Variants in RCOR1 observed in about 807,000 individuals in gnomAD.
The protein encoded by RCOR1 is REST corepressor 1, also known as REST corepressor.
RCOR1 carries 12 observed loss-of-function variants against 64.0 expected under a neutral mutation model. The observed-to-expected ratio is 0.19, with a 90% CI of 0.12 to 0.30. The LOEUF is 0.30. Ranked by LOEUF, RCOR1 falls within the 10% of genes least tolerant of loss-of-function variation. The pLI is 1.00. For missense variants in RCOR1, 502 were observed against 621.2 expected, an observed-to-expected ratio of 0.81 and a Z score of 2.04; for synonymous variants, 279 against 227.2, an observed-to-expected ratio of 1.23 and a Z score of -2.05.
rs1474842628 is a variant in RCOR1 at position 102,726,716 on chromosome 14, A to G, written c.*210A>G. ...GCCACTTCCCAGAGAGCTCCACTGCATCTCACACTCTGCCCACGTGCTGGG... is the reference window on the plus strand; with the variant it reads ...GCCACTTCCCAGAGAGCTCCACTGCGTCTCACACTCTGCCCACGTGCTGGG... On this transcript the variant is annotated 3_prime_UTR_variant, in exon 12 of 12. Coordinates refer to ENST00000262241, the MANE Select transcript of RCOR1 (RefSeq NM_015156.4). 3.6e-6 allele frequency: 2 copies of G among 555,284 alleles called. No individual in the cohort carries two copies. Among genetic ancestry groups the G allele is most frequent in the African/African-American group, 2.0e-5 (1 of 50,724 alleles). 34.4% of individuals were successfully genotyped at this position (555,284 alleles called of 1,614,324 possible).
rs67404203 is a variant in RCOR1, at chr14:102,655,110, CTTTTT to C, written c.362-26764_362-26760del. On this transcript the variant is annotated intron_variant, in intron 2 of 11. Coordinates refer to ENST00000262241, the MANE Select transcript of RCOR1 (RefSeq NM_015156.4). ...TCTGGCATTCACCACCGCGGACAAC[CTTTTT>C]TTTTTTTTTTTTTTTTTTTTAAGCT... 881 of 104,508 alleles carry C rather than the reference CTTTTT, an allele frequency of 8.4e-3. 12 individuals are homozygous for C. Among genetic ancestry groups the C allele is most frequent in the African/African-American group, 0.03 (693 of 23,296 alleles). 6.5% of individuals were successfully genotyped at this position (104,508 alleles called of 1,614,324 possible). A position where few individuals can be genotyped will look rare whatever the true frequency, so the allele number is the denominator to read the frequency against.
At position 102,708,591 on chromosome 14, in the gene RCOR1, C is replaced by T. The variant is rs762402658; in HGVS notation, c.779+8C>T. On this transcript the variant is annotated splice_region_variant and intron_variant, in intron 6 of 11. Coordinates refer to ENST00000262241, the MANE Select transcript of RCOR1 (RefSeq NM_015156.4). ...ACGGGAGCGGGAGGAGAGGTGAGCACATGGCTGGGGTGTTGTCTAACCACT... is the reference window on the plus strand; with the variant it reads ...ACGGGAGCGGGAGGAGAGGTGAGCATATGGCTGGGGTGTTGTCTAACCACT... The T allele has an allele frequency of 6.6e-7, 1 of 1,517,266 alleles. No homozygotes were observed. The highest frequency in any genetic ancestry group is 9.2e-7 in the Non-Finnish European group (1 of 1,092,254). The allele number at this position is 1,517,266 out of a possible 1,614,324, so 94.0% of individuals were successfully genotyped here. A position where few individuals can be genotyped will look rare whatever the true frequency, so the allele number is the denominator to read the frequency against.
chr14:102,711,114 A>G lies in RCOR1; in HGVS notation c.858+101A>G, dbSNP rs1000267191. 4.0e-6 allele frequency: 3 copies of G among 743,142 alleles called. No individual in the cohort carries two copies. In the African/African-American group the frequency reaches 5.4e-5, roughly 13 times the overall value. The allele number at this position is 743,142 out of a possible 1,614,324, so 46.0% of individuals were successfully genotyped here. ...TGTTCTACTTAATATATTAAGTGCT[A>G]TGTGGAAAGCAGCATGATATGACTA... On this transcript the variant is annotated intron_variant, in intron 7 of 11. Transcript: ENST00000262241.
intron 2 of RCOR1, chr14:102,656,020 T>G (rs1894716834): frequency 1.0e-6 from 1 of 984,924 alleles, no homozygotes; most frequent in Non-Finnish European, 1.2e-6. Flanking sequence ...ACTAATGCAG[T>G]GGATTCCAAA....
intron 2 of RCOR1, among the ~76,000 whole-genome samples, chr14:102,680,991 A>T (rs1039792908): frequency 1.3e-5 from 2 of 152,180 alleles, no homozygotes; most frequent in African/African-American, 4.8e-5. Flanking sequence ...AGATTTTACT[A>T]AAAATGTAAA....
intron 3 of RCOR1, among the ~76,000 whole-genome samples, chr14:102,694,006 G>GT (rs987758782): frequency 2.0e-5 from 3 of 152,014 alleles, no homozygotes; most frequent in South Asian, 2.1e-4. Flanking sequence ...CCAATCTTTT[G>GT]TTTTTTGTAT....
In RCOR1 at chr14:102,729,408, G is replaced by C. The variant is rs1400722244; in HGVS notation, c.*2902G>C. The C allele has an allele frequency of 6.5e-6, 1 of 153,534 alleles. No individual in the cohort carries two copies. The highest frequency in any genetic ancestry group is 1.5e-5 in the Non-Finnish European group (1 of 68,716). 9.5% of individuals were successfully genotyped at this position (153,534 alleles called of 1,614,324 possible). A position where few individuals can be genotyped will look rare whatever the true frequency, so the allele number is the denominator to read the frequency against. On this transcript the variant is annotated 3_prime_UTR_variant, in exon 12 of 12. Transcript: ENST00000262241. ...GAAGGAACCACACCCCAGTTGTGCC[G>C]ATTACATTAGTGTTGGCACACAGTC... is the stretch of plus-strand genomic sequence containing the variant.
chr14:102,668,303 A>T (rs1894957530), intron 2 of RCOR1, among the ~76,000 whole-genome samples: 1 of 152,224 alleles, frequency 6.6e-6, no homozygotes, highest in Non-Finnish European at 1.5e-5. Flanking sequence ...GGTGATGCTA[A>T]TGAGAATAAA....
chr14:102,597,039 AT>A (rs1275380618), intron 2 of RCOR1, among the ~76,000 whole-genome samples: 1 of 150,160 alleles, frequency 6.7e-6, no homozygotes, highest in East Asian at 2.0e-4. Flanking sequence ...TGCCTGGCTA[AT>A]TTTTGTGTTT....
chr14:102,706,130 A>C (rs1217429432), intron 4 of RCOR1, among the ~76,000 whole-genome samples: 5 of 149,400 alleles, frequency 3.3e-5, no homozygotes, highest in South Asian at 2.1e-4. Context: ...AAAAAAAAAA[A>C]AAAAAAAAAA....
At chr14:102,701,393 A>C in intron 4 of RCOR1, 63 bp downstream of exon 4, 1 of 1,293,302 alleles carries the variant, frequency 7.7e-7, no homozygotes, top group Non-Finnish European at 1.0e-6. Flanking sequence ...AAATAATTAT[A>C]TTTTTTTCTT....
In RCOR1 at chr14:102,704,255, C is replaced by T. The variant is rs79247654; in HGVS notation, c.498+2925C>T. Among the ~76,000 whole-genome samples the T allele has an allele frequency of 2.1e-3, 323 of 152,284 alleles. 3 individuals carry two copies. The highest frequency in any genetic ancestry group is 7.3e-3 in the African/African-American group (304 of 41,560). ...ACTGTCAGGAGAGCTCTGCTCATTC[C>T]AGTGGAAGATGACAGTAACCTGCAC... On this transcript the variant is annotated intron_variant, in intron 4 of 11. Transcript: ENST00000262241.
intron 2 of RCOR1, among the ~76,000 whole-genome samples, chr14:102,639,169 G>C (rs982584536): frequency 6.6e-6 from 1 of 152,046 alleles, no homozygotes; most frequent in African/African-American, 2.4e-5. Flanking sequence ...TCTTTTGTGC[G>C]GTGAAGGTAA....
At chr14:102,621,710 TAAATGAATG>T (rs1893876910) in intron 2 of RCOR1, among the ~76,000 whole-genome samples, 2 of 151,040 alleles carry the variant, frequency 1.3e-5, no homozygotes, top group Non-Finnish European at 1.5e-5. Flanking sequence ...TAAAATCACT[TAAATGAATG>T]AATGAGTGAA....
chr14:102,604,712 A>G (rs2139883479), intron 2 of RCOR1, among the ~76,000 whole-genome samples: 1 of 152,304 alleles, frequency 6.6e-6, no homozygotes, highest in African/African-American at 2.4e-5. Flanking sequence ...TAAGTATTAT[A>G]AGAATTCTGA....
chr14:102,617,565 G>A (rs1893786535), intron 2 of RCOR1, among the ~76,000 whole-genome samples: 1 of 150,854 alleles, frequency 6.6e-6, no homozygotes, highest in Non-Finnish European at 1.5e-5. Flanking sequence ...TCCAGCCGGG[G>A]CAACGAAGAC....
intron 2 of RCOR1, among the ~76,000 whole-genome samples, chr14:102,665,283 G>A (rs2139943694): frequency 6.8e-6 from 1 of 147,598 alleles, no homozygotes; most frequent in South Asian, 2.2e-4. Context: ...GGGATTATAG[G>A]TATGAGCCAC....
At chr14:102,701,566 CTGATTACTTAG>C (rs1555467059) in intron 4 of RCOR1, among the ~76,000 whole-genome samples, 1 of 152,182 alleles carries the variant, frequency 6.6e-6, no homozygotes, top group Non-Finnish European at 1.5e-5. Flanking sequence ...CTTTAGGACA[CTGATTACTTAG>C]TGATTACTAA....
chr14:102,708,754 A>G (rs2139985504), intron 6 of RCOR1, among the ~76,000 whole-genome samples, 171 bp downstream of exon 6: 1 of 152,158 alleles, frequency 6.6e-6, no homozygotes. Context: ...TTTTCTCACC[A>G]CTCTTTCCCT....
Sources: gnomAD v4.1 joint callset for allele counts (sites outside exome capture counted in the v4.1 genomes callset) on GRCh38, gnomAD v4.1.1 for gene constraint, MANE v1.5 for transcripts, NCBI Gene and HGNC (gene_info 2026-07-23, HGNC 2026-07-21) for gene names.